SDR42E1: variants seen among roughly 807,000 people sequenced by gnomAD.
SDR42E1 encodes short chain dehydrogenase/reductase family 42E, member 1, also known as short-chain dehydrogenase/reductase family 42E member 1.
SDR42E1 carries 5 observed loss-of-function variants against 2.6 expected under a neutral mutation model. The ratio of observed to expected loss-of-function variants is 1.94; its 90% CI spans 1.01 to 4.08. SDR42E1 has a LOEUF of 4.08. Among genes scored for constraint, SDR42E1 ranks in the 30% most tolerant of loss-of-function variants. SDR42E1 has a pLI of 0.00. For synonymous variants in SDR42E1, 231 were observed against 188.3 expected, an observed-to-expected ratio of 1.23 and a Z score of -1.86; for missense variants, 596 against 478.6, an observed-to-expected ratio of 1.25 and a Z score of -2.29.
intron 1 of SDR42E1, among the ~76,000 whole-genome samples, chr16:82,004,420 G>C (rs1490674814): frequency 6.6e-6 from 1 of 152,254 alleles, no homozygotes; most frequent in African/African-American, 2.4e-5. Context: ...CTGAAGCATG[G>C]AGCTGATGCT....
intron 1 of SDR42E1, among the ~76,000 whole-genome samples, chr16:82,004,088 G>C (rs116758274): frequency 6.6e-6 from 1 of 152,148 alleles, no homozygotes; most frequent in South Asian, 2.1e-4. Context: ...GCTTTCCAGA[G>C]CTTACAAATA....
At chr16:82,007,306 GAAGT>G (rs2143864810) in intron 1 of SDR42E1, among the ~76,000 whole-genome samples, 1 of 152,276 alleles carries the variant, frequency 6.6e-6, no homozygotes, top group South Asian at 2.1e-4. Flanking sequence ...TCTATAAATT[GAAGT>G]AATACCAAGT....
chr16:82,005,534 C>T (rs2143861155), intron 1 of SDR42E1, among the ~76,000 whole-genome samples: 1 of 152,200 alleles, frequency 6.6e-6, no homozygotes, highest in East Asian at 1.9e-4. Context: ...GACCTGCCCC[C>T]ACCCAAAATT....
chr16:82,006,093 C>G (rs16956196), intron 1 of SDR42E1, among the ~76,000 whole-genome samples: 3,698 of 152,196 alleles, frequency 0.024, 135 homozygotes, highest in African/African-American at 0.08. Flanking sequence ...TACTTGCCCT[C>G]TGGTATCATA....
At position 81,999,147 on chromosome 16, in the gene SDR42E1, G is replaced by A. The variant is rs746971206; in HGVS notation, c.1146C>T (p.Leu382=). ...GAATCACAGAAGAAGGCAGCCACAT[G>A]AGAACTGCTATAATCAGGAGGAAGA... is the stretch of plus-strand genomic sequence containing the variant. The part of the protein sequence containing the change: ...LLVFLLIIAV[L]MWLPSSVILS... The change falls in exon 3 of 3, where the codon CTC becomes CTT. Residue 382 remains leucine (L), a synonymous_variant. Transcript: ENST00000328945. 1.1e-5 allele frequency: 17 copies of A among 1,614,018 alleles called. No individual in the cohort carries two copies. Among genetic ancestry groups the A allele is most frequent in the South Asian group, 8.8e-5 (8 of 91,062 alleles).
At chr16:82,001,818 C>T (rs977258834) in intron 1 of SDR42E1, among the ~76,000 whole-genome samples, 4 of 149,346 alleles carry the variant, frequency 2.7e-5, no homozygotes, top group East Asian at 2.0e-4. Flanking sequence ...AGGAGAATGG[C>T]GTGAACCCAG....
chr16:82,002,843 A>G (rs1205410900), intron 1 of SDR42E1, among the ~76,000 whole-genome samples: 1 of 152,220 alleles, frequency 6.6e-6, no homozygotes, highest in Admixed American at 6.5e-5. Context: ...AATGTCCAAC[A>G]AAACACCTGA....
chr16:82,006,334 A>T (rs1407234722), intron 1 of SDR42E1, among the ~76,000 whole-genome samples: 1 of 152,246 alleles, frequency 6.6e-6, no homozygotes, highest in Non-Finnish European at 1.5e-5. Flanking sequence ...TGGCAAATAT[A>T]TTCATGCTAG....
rs1392587345 is a variant in SDR42E1, at chr16:81,995,802, T to C, written c.*3309A>G. 1 of 152,214 alleles carries C rather than the reference T, an allele frequency of 6.6e-6. No homozygotes were observed. Among genetic ancestry groups the C allele is most frequent in the East Asian group, 1.9e-4 (1 of 5,198 alleles). 9.4% of individuals were successfully genotyped at this position (152,214 alleles called of 1,614,324 possible). ...AAGCAAGACAAAGTTCCCACCCTCATAGAGCTAACAGGCATTAAACAAATA... is the reference window on the plus strand; with the variant it reads ...AAGCAAGACAAAGTTCCCACCCTCACAGAGCTAACAGGCATTAAACAAATA... On this transcript the variant is annotated 3_prime_UTR_variant, in exon 3 of 3. Transcript: ENST00000328945.
intron 1 of SDR42E1, among the ~76,000 whole-genome samples, chr16:82,005,513 C>T (rs1224830340): frequency 1.3e-5 from 2 of 152,176 alleles, no homozygotes; most frequent in Admixed American, 6.5e-5. Flanking sequence ...TCTCAGCAAA[C>T]GCATTTTGCA....
At chr16:82,010,551 C>G (rs1403955427) in intron 1 of SDR42E1, among the ~76,000 whole-genome samples, 1 of 152,172 alleles carries the variant, frequency 6.6e-6, no homozygotes, top group African/African-American at 2.4e-5. Context: ...TATCTCTGCT[C>G]ACTAAAATAA....
chr16:81,994,441 C>G lies in SDR42E1; in HGVS notation c.*4670G>C, dbSNP rs150928375. On this transcript the variant is annotated 3_prime_UTR_variant, in exon 3 of 3. Coordinates refer to ENST00000328945, the MANE Select transcript of SDR42E1 (RefSeq NM_145168.3). ...ATGACGCTGACTGGCCCATCGTGGC[C>G]CAATGACTGCGGCCGAAGGATGGAA... is the stretch of plus-strand genomic sequence containing the variant. 36 of 152,356 alleles carry G rather than the reference C, an allele frequency of 2.4e-4. No homozygotes were observed. Among genetic ancestry groups the G allele is most frequent in the African/African-American group, 7.7e-4 (32 of 41,556 alleles). 9.4% of individuals were successfully genotyped at this position (152,356 alleles called of 1,614,324 possible). A position where few individuals can be genotyped will look rare whatever the true frequency, so the allele number is the denominator to read the frequency against.
chr16:81,993,083 T>C lies in SDR42E1; in HGVS notation c.*6028A>G, dbSNP rs1912464005. ...CAGCACTGGGACGTAGCAGTGCTTGTCTGTGTCAACAAAGAACTGGGCCCT... is the reference window on the plus strand; with the variant it reads ...CAGCACTGGGACGTAGCAGTGCTTGCCTGTGTCAACAAAGAACTGGGCCCT... On this transcript the variant is annotated 3_prime_UTR_variant, in exon 3 of 3. Coordinates refer to ENST00000328945, the MANE Select transcript of SDR42E1 (RefSeq NM_145168.3). 1 of 152,182 alleles carries C rather than the reference T, an allele frequency of 6.6e-6. No homozygotes were observed. The highest frequency in any genetic ancestry group is 2.4e-5 in the African/African-American group (1 of 41,452). 9.4% of individuals were successfully genotyped at this position (152,182 alleles called of 1,614,324 possible).
rs761325189 is a variant in SDR42E1 at position 82,005,110 on chromosome 16, T to C, written c.-26-4226A>G. Among the ~76,000 whole-genome samples the C allele has an allele frequency of 1.6e-4, 25 of 152,232 alleles. 1 individual carries two copies. The highest frequency in any genetic ancestry group is 3.2e-4 in the Non-Finnish European group (22 of 68,046). On this transcript the variant is annotated intron_variant, in intron 1 of 2. Coordinates refer to ENST00000328945, the MANE Select transcript of SDR42E1 (RefSeq NM_145168.3). ...CCCAATTAAAACATTCCAACGGAAA[T>C]ACCTATCTTTAATTAGTCTTTGGTT...
chr16:82,006,809 C>CA (rs1248474644), intron 1 of SDR42E1, among the ~76,000 whole-genome samples: 2 of 151,968 alleles, frequency 1.3e-5, no homozygotes, highest in Admixed American at 1.3e-4. Flanking sequence ...AAACAAAAAA[C>CA]AAAAAACCAA....
chr16:82,006,413 A>C (rs975015441), intron 1 of SDR42E1, among the ~76,000 whole-genome samples: 2 of 152,252 alleles, frequency 1.3e-5, no homozygotes, highest in Non-Finnish European at 2.9e-5. Flanking sequence ...TGTTTAATAC[A>C]AGGAAGTCAA....
Position 81,999,183 on chromosome 16 carries a change from A to C in SDR42E1, c.1110T>G (p.Asp370Glu), listed in dbSNP as rs750515185. 61 of 1,614,100 alleles carry C rather than the reference A, an allele frequency of 3.8e-5. No individual in the cohort carries two copies. Among genetic ancestry groups the C allele is most frequent in the Non-Finnish European group, 5.0e-5 (59 of 1,180,040 alleles). Residue 370 changes from aspartate to glutamate, a missense_variant, in exon 3 of 3, where the codon GAT becomes GAG. Physicochemically the swap from Asp to Glu is conservative, Grantham distance 45 (BLOSUM62 2). Transcript: ENST00000328945. ...TAATCAGGAGGAAGACCAATAGCCC[A>C]TCCCAAACAAAACACTCCGAGTCAC... Reference protein sequence around the residue: ...GSRDSECFVWDGLLVFLLIIA... With the variant: ...GSRDSECFVWEGLLVFLLIIA...
chr16:81,993,717 A>C lies in SDR42E1; in HGVS notation c.*5394T>G, dbSNP rs1321667508. The C allele has an allele frequency of 6.6e-6, 1 of 152,234 alleles. No individual in the cohort carries two copies. Among genetic ancestry groups the C allele is most frequent in the Non-Finnish European group, 1.5e-5 (1 of 68,050 alleles). The allele number at this position is 152,234 out of a possible 1,614,324, so 9.4% of individuals were successfully genotyped here. ...CATTTATTGGGCATATGAAGGGTAC[A>C]GAAGTAGAAAAAACAGACATGGTTC... On this transcript the variant is annotated 3_prime_UTR_variant, in exon 3 of 3. Coordinates refer to ENST00000328945, the MANE Select transcript of SDR42E1 (RefSeq NM_145168.3).
chr16:82,007,206 T>C (rs1379808019), intron 1 of SDR42E1, among the ~76,000 whole-genome samples: 1 of 152,252 alleles, frequency 6.6e-6, no homozygotes, highest in Non-Finnish European at 1.5e-5. Context: ...GGTGAACATT[T>C]TGCAAGCTCT....
Sources: gnomAD v4.1 joint callset for allele counts (sites outside exome capture counted in the v4.1 genomes callset) on GRCh38, gnomAD v4.1.1 for gene constraint, MANE v1.5 for transcripts, NCBI Gene and HGNC (gene_info 2026-07-23, HGNC 2026-07-21) for gene names.